SHOC2: variants seen among roughly 807,000 people sequenced by gnomAD.
The protein encoded by SHOC2 is SHOC2 leucine rich repeat scaffold protein.
A neutral mutation model predicts 50.2 loss-of-function variants in SHOC2; 4 were observed. The observed-to-expected ratio is 0.08, with a 90% CI of 0.04 to 0.18. The LOEUF (loss-of-function observed/expected upper bound fraction) is 0.18, where lower values mean the gene tolerates loss of function less well. Among genes scored for constraint, SHOC2 ranks in the 10% least tolerant of loss-of-function variants. The probability of loss-of-function intolerance (pLI) is 1.00; values close to 1 mark genes in which losing one functional copy is unlikely to be tolerated. For missense variants in SHOC2, 388 were observed against 669.6 expected, an observed-to-expected ratio of 0.58 and a Z score of 4.64; for synonymous variants, 218 against 244.5, an observed-to-expected ratio of 0.89 and a Z score of 1.01.
chr10:110,983,885 A>G (rs984077952), intron 2 of SHOC2, among the ~76,000 whole-genome samples: 14 of 152,262 alleles, frequency 9.2e-5, no homozygotes, highest in Non-Finnish European at 1.5e-5. Flanking sequence ...TTATATAAAC[A>G]TACCACATTT....
chr10:111,006,452 G>C (rs1371134171), intron 5 of SHOC2, among the ~76,000 whole-genome samples: 1 of 151,780 alleles, frequency 6.6e-6, no homozygotes, highest in African/African-American at 2.4e-5. Flanking sequence ...CTCACTGCAA[G>C]CTCCGCCTCC....
intron 5 of SHOC2, among the ~76,000 whole-genome samples, chr10:111,005,417 G>A (rs4917593): frequency 0.071 from 10,828 of 152,150 alleles, 771 homozygotes; most frequent in East Asian, 0.3. Context: ...GGAATACTGT[G>A]GAGCCATTAA....
At chr10:111,007,722 TTAAA>T (rs1235663603) in intron 6 of SHOC2, 69 bp downstream of exon 6, 1 of 1,488,256 alleles carries the variant, frequency 6.7e-7, no homozygotes, top group Non-Finnish European at 9.4e-7. Context: ...AATTTCAAAT[TTAAA>T]TAAGCAATTT....
At chr10:110,922,519 C>G (rs1408090682) in intron 1 of SHOC2, among the ~76,000 whole-genome samples, 3 of 151,884 alleles carry the variant, frequency 2.0e-5, no homozygotes, top group Non-Finnish European at 4.4e-5. Flanking sequence ...CTAAAAGATA[C>G]AAACTCTATA....
chr10:110,930,593 A>T (rs374853265), intron 1 of SHOC2, among the ~76,000 whole-genome samples: 2 of 152,204 alleles, frequency 1.3e-5, no homozygotes, highest in South Asian at 4.1e-4. Flanking sequence ...TACACTGGTA[A>T]TTAAATAGCC....
In SHOC2 at chr10:110,998,379, A is replaced by AT. The variant is rs113896888; in HGVS notation, c.842-2025dup. ...TTCTGGGGCTTTGGAAAGTCACTCAATTTTTTTTTTTCTCCTGAGGAATTG... is the reference window on the plus strand; with the variant it reads ...TTCTGGGGCTTTGGAAAGTCACTCAATTTTTTTTTTTTCTCCTGAGGAATTG... On this transcript the variant is annotated intron_variant, in intron 3 of 8. Transcript: ENST00000369452. Among the ~76,000 whole-genome samples the AT allele has an allele frequency of 3.6e-3, 529 of 148,404 alleles. 2 individuals are homozygous for AT. The highest frequency in any genetic ancestry group is 4.3e-3 in the Non-Finnish European group (285 of 66,756).
At chr10:110,987,159 G>C (rs1449046471) in intron 3 of SHOC2, among the ~76,000 whole-genome samples, 3 of 152,132 alleles carry the variant, frequency 2.0e-5, no homozygotes, top group African/African-American at 7.2e-5. Flanking sequence ...TATCTCCATT[G>C]TTTTGCTTGT....
rs148929909 is a variant in SHOC2 at position 110,950,806 on chromosome 10, C to T, written c.-234-13319C>T. 3.3e-4 allele frequency among the ~76,000 whole-genome samples: 50 copies of T among 152,180 alleles called. 1 individual carries two copies. The highest frequency in any genetic ancestry group is 1.1e-3 in the African/African-American group (47 of 41,518). On this transcript the variant is annotated intron_variant, in intron 1 of 8. Transcript: ENST00000369452. ...AATGGTGTTGGAAAAACTGAATATC[C>T]ATATGCAGAAGCATGAGCATAAAAA...
At chr10:110,963,977 T>C (rs978994389) in intron 1 of SHOC2, 148 bp from the exon 2 acceptor site, 9 of 382,548 alleles carry the variant, frequency 2.4e-5, no homozygotes, top group African/African-American at 1.7e-4. Context: ...CTGTGTAGTT[T>C]TAAATGGATT....
Position 110,945,954 on chromosome 10 carries a change from G to A in SHOC2, c.-234-18171G>A, listed in dbSNP as rs575161325. ...GAGCATACCCACCCTATCCCAATTG[G>A]CCTCTTAAACATCTTGTGGGTTACC... On this transcript the variant is annotated intron_variant, in intron 1 of 8. Coordinates refer to ENST00000369452, the MANE Select transcript of SHOC2 (RefSeq NM_007373.4). 3.9e-5 allele frequency among the ~76,000 whole-genome samples: 6 copies of A among 152,022 alleles called. No individual in the cohort carries two copies. The East Asian group carries it at 9.7e-4, about 24-fold the overall frequency.
At chr10:110,939,422 G>A (rs547703549) in intron 1 of SHOC2, among the ~76,000 whole-genome samples, 5 of 152,106 alleles carry the variant, frequency 3.3e-5, no homozygotes, top group African/African-American at 9.6e-5. Context: ...GTTTCCTTAT[G>A]TTGCCCAGGC....
In SHOC2 at chr10:110,964,334, A is replaced by G. The variant is rs566047015; in HGVS notation, c.-25A>G. 2 of 1,609,764 alleles carry G rather than the reference A, an allele frequency of 1.2e-6. No homozygotes were observed. The highest frequency in any genetic ancestry group is 2.2e-5 in the East Asian group (1 of 44,816). On this transcript the variant is annotated 5_prime_UTR_variant, in exon 2 of 9. An upstream open reading frame in the 5' UTR loses its in-frame stop. Coordinates refer to ENST00000369452, the MANE Select transcript of SHOC2 (RefSeq NM_007373.4). The surrounding 1 kb of genome is among the most constrained non-coding windows in gnomAD (Gnocchi z 4.9). ...ACTGGAAAATAAAAGGAGTTCATGTAGTTTTTGTCCAGGCTTGAGTCACCA... is the reference window on the plus strand; with the variant it reads ...ACTGGAAAATAAAAGGAGTTCATGTGGTTTTTGTCCAGGCTTGAGTCACCA...
intron 2 of SHOC2, among the ~76,000 whole-genome samples, chr10:110,976,611 T>C (rs569011783): frequency 2.8e-4 from 42 of 152,222 alleles, no homozygotes; most frequent in Non-Finnish European, 4.7e-4. Flanking sequence ...TACACCTTGC[T>C]GCCTTCGTTT....
chr10:111,002,972 C>T (rs1176671071), intron 4 of SHOC2, among the ~76,000 whole-genome samples: 1 of 152,154 alleles, frequency 6.6e-6, no homozygotes, highest in East Asian at 1.9e-4. Flanking sequence ...CTCAGTAAAA[C>T]TCCTTTATTT....
In SHOC2 at chr10:110,933,570, T is replaced by C. The variant is rs538854959; in HGVS notation, c.-235+13913T>C. ...ATGAGTGAACCCAGTAGGGGAAATA[T>C]ATGAGGTGGTTGAATTGTAGAACAC... is the stretch of plus-strand genomic sequence containing the variant. On this transcript the variant is annotated intron_variant, in intron 1 of 8. Coordinates refer to ENST00000369452, the MANE Select transcript of SHOC2 (RefSeq NM_007373.4). 7.2e-5 allele frequency among the ~76,000 whole-genome samples: 11 copies of C among 152,244 alleles called. No homozygotes were observed. The South Asian group carries it at 1.7e-3, about 23-fold the overall frequency.
intron 1 of SHOC2, among the ~76,000 whole-genome samples, chr10:110,947,685 AACT>A (rs1387601563): frequency 6.6e-6 from 1 of 152,136 alleles, no homozygotes; most frequent in Non-Finnish European, 1.5e-5. Flanking sequence ...AGACTATTAT[AACT>A]ACAAGATGTC....
At chr10:110,965,121 C>G in intron 2 of SHOC2, 60 bp downstream of exon 2, 1 of 1,436,206 alleles carries the variant, frequency 7.0e-7, no homozygotes, top group East Asian at 2.4e-5. Context: ...ATTTTGAGTG[C>G]TTTCTCATAT....
In SHOC2 at chr10:110,972,089, C is replaced by G. The variant is rs1399374533; in HGVS notation, c.703+7028C>G. ...GGCTTGAAGGAAATTTAATAAAGCTCAGTACTATTAACCTATTTTTATTTT... is the reference window on the plus strand; with the variant it reads ...GGCTTGAAGGAAATTTAATAAAGCTGAGTACTATTAACCTATTTTTATTTT... On this transcript the variant is annotated intron_variant, in intron 2 of 8. Coordinates refer to ENST00000369452, the MANE Select transcript of SHOC2 (RefSeq NM_007373.4). Among the ~76,000 whole-genome samples the G allele has an allele frequency of 2.0e-5, 3 of 151,176 alleles. No individual in the cohort carries two copies. The East Asian group carries it at 5.8e-4, about 29-fold the overall frequency.
chr10:110,964,326 G>C lies in SHOC2; in HGVS notation c.-33G>C, dbSNP rs372210369. ...ATTCAATTACTGGAAAATAAAAGGA[G>C]TTCATGTAGTTTTTGTCCAGGCTTG... On this transcript the variant is annotated 5_prime_UTR_variant, in exon 2 of 9. Coordinates refer to ENST00000369452, the MANE Select transcript of SHOC2 (RefSeq NM_007373.4). This position sits in a 1 kb window ranked among gnomAD's most constrained non-coding sequence, Gnocchi z 4.9. The C allele has an allele frequency of 6.2e-7, 1 of 1,606,272 alleles. No individual in the cohort carries two copies. The highest frequency in any genetic ancestry group is 8.5e-7 in the Non-Finnish European group (1 of 1,176,128).
Sources: gnomAD v4.1 joint callset for allele counts (sites outside exome capture counted in the v4.1 genomes callset) on GRCh38, gnomAD v4.1.1 for gene constraint, Gnocchi (gnomAD v3.1) non-coding constraint, MANE v1.5 for transcripts, NCBI Gene and HGNC (gene_info 2026-07-23, HGNC 2026-07-21) for gene names.